KCNN2: variants seen among roughly 807,000 people sequenced by gnomAD.
KCNN2 encodes the protein small conductance calcium-activated potassium channel protein 2.
KCNN2 carries 24 observed loss-of-function variants against 55.5 expected under a neutral mutation model. The observed-to-expected ratio is 0.43, with a 90% CI of 0.31 to 0.61. The LOEUF (loss-of-function observed/expected upper bound fraction) is 0.61. Among genes scored for constraint, KCNN2 ranks in the 20% least tolerant of loss-of-function variants. The probability of loss-of-function intolerance (pLI) is 0.08; values close to 1 mark genes in which losing one functional copy is unlikely to be tolerated. For synonymous variants in KCNN2, 431 were observed against 336.1 expected (o/e 1.28, Z -3.09); for missense variants, 754 against 853.6 (o/e 0.88, Z 1.45).
At position 114,400,081 on chromosome 5, in the gene KCNN2, T is replaced by C. The variant is rs115812570; in HGVS notation, c.1219-4357T>C. On this transcript the variant is annotated intron_variant, in intron 2 of 7. Transcript: ENST00000673685. Reference sequence around the variant, plus strand: ...AAATAGCCAACTCCTTGATTGTTGATCTTTTATATGGTTTTCTGCTTCTCA... The same window carrying C: ...AAATAGCCAACTCCTTGATTGTTGACCTTTTATATGGTTTTCTGCTTCTCA... 4.2e-3 allele frequency among the ~76,000 whole-genome samples: 638 copies of C among 152,156 alleles called. 4 individuals are homozygous for C. Among genetic ancestry groups the C allele is most frequent in the Middle Eastern group, 0.031 (9 of 294 alleles).
intron 2 of KCNN2, among the ~76,000 whole-genome samples, chr5:114,296,243 A>C (rs1756010111): frequency 6.6e-6 from 1 of 152,226 alleles, no homozygotes; most frequent in African/African-American, 2.4e-5. Flanking sequence ...AGCCTATCAG[A>C]AGTCATCTCC....
At chr5:114,353,487 T>G (rs1338906112) in intron 2 of KCNN2, among the ~76,000 whole-genome samples, 1 of 151,922 alleles carries the variant, frequency 6.6e-6, no homozygotes, top group Non-Finnish European at 1.5e-5. Flanking sequence ...AGGAGAAATT[T>G]AAAAATATGA....
intron 1 of KCNN2, among the ~76,000 whole-genome samples, chr5:114,116,068 C>G (rs941046835): frequency 6.6e-6 from 1 of 152,030 alleles, no homozygotes; most frequent in Non-Finnish European, 1.5e-5. Context: ...CAGAGTTTAG[C>G]GAGCAGAAGA....
intron 2 of KCNN2, among the ~76,000 whole-genome samples, chr5:114,326,463 AC>A (rs1483914016): frequency 3.3e-5 from 5 of 152,160 alleles, no homozygotes; most frequent in African/African-American, 1.2e-4. Flanking sequence ...TTTGTTCTAT[AC>A]CAACATGAGC....
intron 2 of KCNN2, among the ~76,000 whole-genome samples, chr5:114,276,653 C>G (rs1183635462): frequency 2.2e-5 from 2 of 89,992 alleles, no homozygotes; most frequent in South Asian, 5.5e-4. Context: ...TATTGCAACC[C>G]CTGCATTTTT....
At chr5:114,114,576 G>A (rs780427605) in intron 1 of KCNN2, among the ~76,000 whole-genome samples, 4 of 151,994 alleles carry the variant, frequency 2.6e-5, no homozygotes, top group Non-Finnish European at 1.5e-5. Context: ...TAGGGATGCA[G>A]CTGAGAAAAT....
At chr5:114,349,924 T>C (rs1013791338) in intron 2 of KCNN2, among the ~76,000 whole-genome samples, 5 of 152,022 alleles carry the variant, frequency 3.3e-5, no homozygotes, top group African/African-American at 1.2e-4. Context: ...CTATTATCTG[T>C]CTTTTTAAAT....
rs540360077 is a variant in KCNN2 at position 114,304,860 on chromosome 5, T to G, written c.-184-56085T>G. Reference sequence around the variant, plus strand: ...TCAAAATCCAATGATATCTACCAAGTGCTGTGCTTGCTTTTGAGTGTTAAG... The same window carrying G: ...TCAAAATCCAATGATATCTACCAAGGGCTGTGCTTGCTTTTGAGTGTTAAG... On this transcript the variant is annotated intron_variant, in intron 2 of 10. Transcript: ENST00000512097. Among the ~76,000 whole-genome samples the G allele has an allele frequency of 2.6e-5, 4 of 152,336 alleles. No homozygotes were observed. The South Asian group carries it at 8.3e-4, about 32-fold the overall frequency.
chr5:114,287,995 A>G (rs995065619), intron 2 of KCNN2, among the ~76,000 whole-genome samples: 6 of 152,222 alleles, frequency 3.9e-5, no homozygotes, highest in Non-Finnish European at 8.8e-5. Context: ...ATACATAAAT[A>G]AATAAATGCA....
intron 1 of KCNN2, among the ~76,000 whole-genome samples, chr5:114,218,689 T>A (rs1276459108): frequency 6.6e-6 from 1 of 152,200 alleles, no homozygotes; most frequent in East Asian, 1.9e-4. Context: ...AACCATAGAA[T>A]GTACATACCA....
intron 1 of KCNN2, among the ~76,000 whole-genome samples, chr5:114,193,941 A>G (rs1753499721): frequency 6.6e-6 from 1 of 152,136 alleles, no homozygotes; most frequent in South Asian, 2.1e-4. Context: ...GTTTTTAATT[A>G]TATCCATAAG....
At chr5:114,219,580 T>C (rs975572087) in intron 1 of KCNN2, among the ~76,000 whole-genome samples, 4 of 152,082 alleles carry the variant, frequency 2.6e-5, no homozygotes, top group African/African-American at 9.7e-5. Flanking sequence ...AGCTGTAATC[T>C]CATCTACCAG....
At chr5:114,404,015 C>T (rs1262928502) in intron 2 of KCNN2, among the ~76,000 whole-genome samples, 1 of 152,178 alleles carries the variant, frequency 6.6e-6, no homozygotes, top group African/African-American at 2.4e-5. Flanking sequence ...TAACTGATTG[C>T]AGAGGCACCC....
chr5:114,415,058 TAAATTG>T (rs1325226155), intron 3 of KCNN2, among the ~76,000 whole-genome samples: 1 of 152,240 alleles, frequency 6.6e-6, no homozygotes, highest in Non-Finnish European at 1.5e-5. Flanking sequence ...GGCTGTCATA[TAAATTG>T]AATCAAATAA....
chr5:114,233,121 C>G (rs1303138360), intron 2 of KCNN2, among the ~76,000 whole-genome samples: 1 of 143,242 alleles, frequency 7.0e-6, no homozygotes, highest in Admixed American at 6.8e-5. Flanking sequence ...GGGGTTTCAC[C>G]GTTTTAGCCG....
At chr5:114,459,567 A>G (rs1761096364) in intron 3 of KCNN2, among the ~76,000 whole-genome samples, 1 of 152,182 alleles carries the variant, frequency 6.6e-6, no homozygotes, top group South Asian at 2.1e-4. Context: ...GAAAAACAAA[A>G]TAGGGGATTA....
intron 3 of KCNN2, among the ~76,000 whole-genome samples, chr5:114,405,922 G>A (rs1228902445): frequency 2.0e-5 from 3 of 151,776 alleles, no homozygotes; most frequent in Admixed American, 6.6e-5. Flanking sequence ...GTGTTAGCTG[G>A]GATGGTCTCA....
At chr5:114,393,781 T>TA (rs1214054395) in intron 2 of KCNN2, among the ~76,000 whole-genome samples, 56 of 150,910 alleles carry the variant, frequency 3.7e-4, no homozygotes, top group African/African-American at 6.8e-4. Flanking sequence ...TACTTTGCTT[T>TA]TAAAAAAAAA....
At chr5:114,268,652 T>C (rs1444943956) in intron 2 of KCNN2, among the ~76,000 whole-genome samples, 1 of 152,174 alleles carries the variant, frequency 6.6e-6, no homozygotes, top group African/African-American at 2.4e-5. Context: ...AGAACCACTC[T>C]CTAGAATCTA....
Sources: allele counts gnomAD v4.1 joint callset (sites outside exome capture counted in the v4.1 genomes callset), GRCh38; gene constraint gnomAD v4.1.1; transcripts MANE v1.5; gene names NCBI Gene and HGNC (gene_info 2026-07-23, HGNC 2026-07-21).